NPC1: variants seen among roughly 807,000 people sequenced by gnomAD.
NPC1 encodes NPC intracellular cholesterol transporter 1.
In NPC1, 85 loss-of-function variants were observed where a neutral mutation model predicts 140.4. The observed-to-expected ratio is 0.61, with a 90% CI of 0.51 to 0.72. NPC1 has a LOEUF of 0.72. Among genes scored for constraint, NPC1 ranks in the 30% least tolerant of loss-of-function variants. The pLI, the probability that NPC1 is intolerant of heterozygous loss-of-function variation, is 0.00. For synonymous variants in NPC1, 656 were observed against 624.8 expected (o/e 1.05, Z -0.74); for missense variants, 1,504 against 1,623.8 (o/e 0.93, Z 1.27).
intron 23 of NPC1, 164 bp downstream of exon 23, chr18:23,534,282 G>A (rs1169574536): frequency 5.8e-6 from 4 of 687,872 alleles, no homozygotes; most frequent in Non-Finnish European, 1.1e-5. Context: ...CAGTTCCACA[G>A]AACGTCCGTT....
chr18:23,518,074 G>A (rs2058056450), downstream of NPC1, among the ~76,000 whole-genome samples: 1 of 152,240 alleles, frequency 6.6e-6, no homozygotes, highest in African/African-American at 2.4e-5. Context: ...AAGTGGAGGT[G>A]GGGACCTGTT....
At chr18:23,546,137 T>A (rs2058785485) in intron 11 of NPC1, among the ~76,000 whole-genome samples, 1 of 148,638 alleles carries the variant, frequency 6.7e-6, no homozygotes, top group Non-Finnish European at 1.5e-5. Flanking sequence ...TAATCCCAGC[T>A]ACTTGGGAGG....
At chr18:23,557,055 C>T (rs1391944685) in intron 7 of NPC1, 62 bp downstream of exon 7, 77 of 1,381,394 alleles carry the variant, frequency 5.6e-5, no homozygotes, top group East Asian at 3.2e-4. Context: ...ACTGAGGAAA[C>T]GAATGCTCTC....
At position 23,586,269 on chromosome 18, in the gene NPC1, T is replaced by G; in HGVS notation, c.57+18A>C. The G allele has an allele frequency of 6.5e-7, 1 of 1,531,712 alleles. No homozygotes were observed. The highest frequency in any genetic ancestry group is 8.7e-7 in the Non-Finnish European group (1 of 1,145,246). 94.9% of individuals were successfully genotyped at this position (1,531,712 alleles called of 1,614,324 possible). A position where few individuals can be genotyped will look rare whatever the true frequency, so the allele number is the denominator to read the frequency against. Reference sequence around the variant, plus strand: ...GCCACGTCCCCACAGGGCGTCCCGGTGGCCGGCGACCGCTCACCTGCGCTG... The same window carrying G: ...GCCACGTCCCCACAGGGCGTCCCGGGGGCCGGCGACCGCTCACCTGCGCTG... On this transcript the variant is annotated intron_variant, in intron 1 of 24. Coordinates refer to ENST00000269228, the MANE Select transcript of NPC1 (RefSeq NM_000271.5).
At chr18:23,508,196 C>T (rs2057761142) in intron 3 of NPC1, among the ~76,000 whole-genome samples, 1 of 152,148 alleles carries the variant, frequency 6.6e-6, no homozygotes, top group Non-Finnish European at 1.5e-5. Flanking sequence ...GGGGTGTTTG[C>T]TTTGTGACAC....
At chr18:23,539,175 C>G (rs141427895) in intron 19 of NPC1, among the ~76,000 whole-genome samples, 180 bp downstream of exon 19, 3 of 152,280 alleles carry the variant, frequency 2.0e-5, no homozygotes, top group African/African-American at 7.2e-5. Flanking sequence ...GGGTGGCTGT[C>G]TGAGCCAGGA....
intron 3 of NPC1, chr18:23,509,736 A>T (rs1443775909): frequency 6.6e-6 from 1 of 151,926 alleles, no homozygotes; most frequent in East Asian, 1.9e-4. Context: ...GTAATTTTGT[A>T]TTTTTAGTAG....
chr18:23,515,872 G>A (rs766622385), intron 3 of NPC1: 18 of 1,613,970 alleles, frequency 1.1e-5, no homozygotes, highest in South Asian at 3.3e-5. Context: ...CCAGAGAAAC[G>A]GAGTCTGAAA....
intron 1 of NPC1, chr18:23,524,040 A>G (rs2058222167): frequency 2.2e-6 from 3 of 1,336,554 alleles, no homozygotes; most frequent in Non-Finnish European, 2.2e-6. Context: ...TCGTAATGAC[A>G]TTAAAAAGTA....
chr18:23,535,673 G>A lies in NPC1; in HGVS notation c.3273C>T (p.Tyr1091=), dbSNP rs1598937493. 1.2e-6 allele frequency: 2 copies of A among 1,613,828 alleles called. No individual in the cohort carries two copies. The highest frequency in any genetic ancestry group is 1.3e-5 in the African/African-American group (1 of 74,908). ...YSVFYVFYEQ[Y]LTIIDDTIFN... ...AGATAGTGTCGTCAATGATGGTCAG[G>A]TACTGTTCGTAGAAGACATAAAACA... is the stretch of plus-strand genomic sequence containing the variant. Residue 1091 remains tyrosine (Y), a synonymous_variant, in exon 22 of 25, where the codon TAC becomes TAT. Coordinates refer to ENST00000269228, the MANE Select transcript of NPC1 (RefSeq NM_000271.5).
At chr18:23,573,764 A>G (rs2059236137) in intron 1 of NPC1, among the ~76,000 whole-genome samples, 190 bp from the exon 2 acceptor site, 1 of 152,214 alleles carries the variant, frequency 6.6e-6, no homozygotes, top group Non-Finnish European at 1.5e-5. Flanking sequence ...CAAGTCAGTG[A>G]AGTAGGTAAT....
chr18:23,580,477 T>C (rs895190730), intron 1 of NPC1, among the ~76,000 whole-genome samples: 2 of 152,226 alleles, frequency 1.3e-5, no homozygotes, highest in Non-Finnish European at 2.9e-5. Context: ...TCTTTTAAAG[T>C]ATCTCTCTAG....
chr18:23,571,047 A>G (rs2145538582), intron 3 of NPC1, among the ~76,000 whole-genome samples: 1 of 152,320 alleles, frequency 6.6e-6, no homozygotes, highest in Admixed American at 6.5e-5. Flanking sequence ...CACAGTGCAC[A>G]GCTCAAGTTT....
intron 3 of NPC1, among the ~76,000 whole-genome samples, chr18:23,508,206 C>A (rs560180374): frequency 2.8e-4 from 43 of 152,266 alleles, no homozygotes; most frequent in African/African-American, 8.7e-4. Flanking sequence ...CTTTGTGACA[C>A]TGAACAGTTT....
Position 23,535,447 on chromosome 18 carries a change from CTG to C in NPC1, c.3477+20_3477+21del, listed in dbSNP as rs754658312. 25 of 1,548,310 alleles carry C rather than the reference CTG, an allele frequency of 1.6e-5. 1 individual carries two copies. The highest frequency in any genetic ancestry group is 1.7e-4 in the Middle Eastern group (1 of 5,964). ...AAGTGAAACAGGAGCTAGGGACAAA[CTG>C]AGACTGTATGAGGACTCACCATCAC... On this transcript the variant is annotated intron_variant, in intron 22 of 24. Coordinates refer to ENST00000269228, the MANE Select transcript of NPC1 (RefSeq NM_000271.5).
Position 23,545,264 on chromosome 18 carries a change from A to G in NPC1, c.1758-115T>C, listed in dbSNP as rs532755779. Reference sequence around the variant, plus strand: ...ACGTTTTCTTTTTTTTGGTTTTGAGACTGATTCTCGCTCTGTCGCCCAGGC... The same window carrying G: ...ACGTTTTCTTTTTTTTGGTTTTGAGGCTGATTCTCGCTCTGTCGCCCAGGC... On this transcript the variant is annotated intron_variant, in intron 11 of 24. Transcript: ENST00000269228. The G allele has an allele frequency of 7.7e-6, 6 of 774,938 alleles. No homozygotes were observed. The East Asian group carries it at 1.6e-4, about 21-fold the overall frequency. 48.0% of individuals were successfully genotyped at this position (774,938 alleles called of 1,614,324 possible). A position where few individuals can be genotyped will look rare whatever the true frequency, so the allele number is the denominator to read the frequency against.
Position 23,544,943 on chromosome 18 carries a change from A to ACCGC in NPC1, c.1947+16_1947+17insGCGG, listed in dbSNP as rs55809701. ...GCTGTTAACCTCTAGAACATACACC[A>ACCGC]CCCCCCCCCGGCTTACCAGAAGCCT... On this transcript the variant is annotated intron_variant, in intron 12 of 24. Coordinates refer to ENST00000269228, the MANE Select transcript of NPC1 (RefSeq NM_000271.5). 1.6e-4 allele frequency: 164 copies of ACCGC among 1,042,180 alleles called. 4 individuals carry two copies. The highest frequency in any genetic ancestry group is 4.4e-4 in the Middle Eastern group (2 of 4,524). 64.6% of individuals were successfully genotyped at this position (1,042,180 alleles called of 1,614,324 possible).
At chr18:23,529,791 C>A, downstream of NPC1, 1 of 1,372,184 alleles carries the variant, frequency 7.3e-7, no homozygotes, top group Non-Finnish European at 1.0e-6. Flanking sequence ...TAGAAGATGA[C>A]TCATATGCTA....
downstream of NPC1, chr18:23,529,098 T>C: frequency 6.5e-7 from 1 of 1,539,790 alleles, no homozygotes; most frequent in Non-Finnish European, 8.7e-7. Flanking sequence ...CATCGAAGAA[T>C]TCAGTCCTTG....
Sources: allele counts gnomAD v4.1 joint callset (sites outside exome capture counted in the v4.1 genomes callset), GRCh38; gene constraint gnomAD v4.1.1; transcripts MANE v1.5; gene names NCBI Gene and HGNC (gene_info 2026-07-23, HGNC 2026-07-21).